Variants in ASIC2 observed in about 807,000 individuals in gnomAD.
ASIC2 encodes acid sensing ion channel subunit 2, also known as acid-sensing ion channel 2.
In ASIC2, 25 loss-of-function variants were observed where a neutral mutation model predicts 57.3. That is an observed-to-expected ratio of 0.44 (90% CI 0.32 to 0.61). The LOEUF is 0.61. Ranked by LOEUF, ASIC2 falls within the 20% of genes least tolerant of loss-of-function variation. The pLI is 0.06. For missense variants in ASIC2, 641 were observed against 738.1 expected (o/e 0.87, Z 1.52); for synonymous variants, 319 against 307.5 (o/e 1.04, Z -0.39).
rs1311247435 is a variant in ASIC2, at chr17:33,030,905, A to G, written c.988-2513T>C. On this transcript the variant is annotated intron_variant, in intron 3 of 9. Transcript: ENST00000225823. Reference sequence around the variant, plus strand: ...ATCCGCCTTATATGTTGCTCTATTCAATTTGCTAATATCTTGTGGAGGTTT... The same window carrying G: ...ATCCGCCTTATATGTTGCTCTATTCGATTTGCTAATATCTTGTGGAGGTTT... 3.9e-5 allele frequency among the ~76,000 whole-genome samples: 6 copies of G among 152,198 alleles called. No individual in the cohort carries two copies. In the South Asian group the frequency reaches 6.2e-4, roughly 16 times the overall value.
intron 1 of ASIC2, among the ~76,000 whole-genome samples, chr17:33,491,532 C>G (rs1019916577): frequency 6.6e-6 from 1 of 152,120 alleles, no homozygotes; most frequent in Non-Finnish European, 1.5e-5. Flanking sequence ...GGATTTTTGC[C>G]GAACACTGCA....
At chr17:33,021,047 C>T (rs2091833287) in intron 7 of ASIC2, among the ~76,000 whole-genome samples, 172 bp downstream of exon 7, 1 of 152,118 alleles carries the variant, frequency 6.6e-6, no homozygotes. Context: ...GGGTTCTTTC[C>T]ATTCTGGGAG....
intron 1 of ASIC2, among the ~76,000 whole-genome samples, chr17:33,993,694 G>A (rs1318300091): frequency 6.6e-6 from 1 of 152,208 alleles, no homozygotes; most frequent in African/African-American, 2.4e-5. Context: ...ACATCTGGAT[G>A]TGTTTGGTAT....
At chr17:33,925,550 C>A (rs1328422078) in intron 1 of ASIC2, among the ~76,000 whole-genome samples, 1 of 152,244 alleles carries the variant, frequency 6.6e-6, no homozygotes, top group Non-Finnish European at 1.5e-5. Context: ...GCCTCGTCTG[C>A]TGCCCAGTGT....
intron 1 of ASIC2, among the ~76,000 whole-genome samples, chr17:33,708,072 C>G (rs1908915321): frequency 6.6e-6 from 1 of 152,174 alleles, no homozygotes; most frequent in Admixed American, 6.5e-5. Context: ...CTCCAGTCTC[C>G]TGCTAGATAG....
chr17:33,793,039 A>G (rs1203424413), intron 1 of ASIC2: 1 of 152,208 alleles, frequency 6.6e-6, no homozygotes, highest in African/African-American at 2.4e-5. Context: ...GAAGTAATTA[A>G]CAAAATGCTT....
upstream of ASIC2, among the ~76,000 whole-genome samples, chr17:33,294,679 A>G (rs1440541020): frequency 1.3e-5 from 2 of 152,112 alleles, no homozygotes; most frequent in Non-Finnish European, 2.9e-5. Flanking sequence ...GTATACCAAC[A>G]TATACACTTA....
chr17:33,427,873 T>C (rs535321252), intron 1 of ASIC2, among the ~76,000 whole-genome samples: 1 of 152,334 alleles, frequency 6.6e-6, no homozygotes, highest in Non-Finnish European at 1.5e-5. Context: ...GAGTGTGACT[T>C]TCAAGGCTGG....
rs147403420 is a variant in ASIC2, at chr17:33,088,984, G to A, written c.866C>T (p.Thr289Met). The stretch of plus-strand genomic sequence containing the variant: ...AACTTTCACTCCTGCTTCAAATGTC[G>A]TTTCCTCTGAAAGAACAAAGATGGA... ...YLPIWGETEE[T>M]TFEAGVKVQI... The change falls in exon 3 of 10, where the codon ACG (threonine) becomes ATG (methionine). Residue 289 changes from threonine to methionine, a missense_variant. Around this residue, in one of 3 missense-constraint regions of ASIC2, gnomAD observed 7 missense variants for 20.3 expected, o/e 0.35. Transcript: ENST00000225823. 31 of 1,613,878 alleles carry A rather than the reference G, an allele frequency of 1.9e-5. No individual in the cohort carries two copies. Among genetic ancestry groups the A allele is most frequent in the East Asian group, 4.5e-5 (2 of 44,882 alleles).
At chr17:33,695,353 T>C (rs1050462905) in intron 1 of ASIC2, among the ~76,000 whole-genome samples, 2 of 152,138 alleles carry the variant, frequency 1.3e-5, no homozygotes, top group Non-Finnish European at 2.9e-5. Context: ...GCCACTGCTA[T>C]GGGGTTGTGG....
chr17:33,647,909 C>T (rs956404292), intron 1 of ASIC2, among the ~76,000 whole-genome samples: 3 of 152,098 alleles, frequency 2.0e-5, no homozygotes, highest in Non-Finnish European at 4.4e-5. Context: ...CTTACTCCTG[C>T]CTCCCTGGGA....
At chr17:34,069,900 C>T (rs957380702) in intron 1 of ASIC2, 3 of 152,118 alleles carry the variant, frequency 2.0e-5, no homozygotes, top group African/African-American at 7.2e-5. Flanking sequence ...CATAAACCGT[C>T]TGCTTGACCT....
chr17:33,683,249 G>C (rs1908066513), intron 1 of ASIC2, among the ~76,000 whole-genome samples: 1 of 152,176 alleles, frequency 6.6e-6, no homozygotes, highest in Non-Finnish European at 1.5e-5. Flanking sequence ...TTGTATTTTA[G>C]TAGAGATGGG....
At chr17:33,672,352 A>G (rs1031287385) in intron 1 of ASIC2, among the ~76,000 whole-genome samples, 2 of 151,160 alleles carry the variant, frequency 1.3e-5, no homozygotes, top group Admixed American at 1.3e-4. Context: ...TACCTTTCCT[A>G]CCACACACAA....
intron 1 of ASIC2, among the ~76,000 whole-genome samples, chr17:33,214,907 C>G (rs1346010864): frequency 6.6e-6 from 1 of 152,206 alleles, no homozygotes; most frequent in Non-Finnish European, 1.5e-5. Flanking sequence ...GACCAGAGAA[C>G]AGAAGCTCAG....
At chr17:34,117,168 CTT>C (rs1411624620) in intron 1 of ASIC2, among the ~76,000 whole-genome samples, 1 of 152,060 alleles carries the variant, frequency 6.6e-6, no homozygotes, top group Non-Finnish European at 1.5e-5. Context: ...AACCAACAGT[CTT>C]TATATAACAT....
intron 1 of ASIC2, among the ~76,000 whole-genome samples, chr17:34,126,558 C>T (rs956828056): frequency 3.9e-5 from 6 of 152,204 alleles, no homozygotes; most frequent in Admixed American, 1.3e-4. Context: ...CTCTTCTCCA[C>T]TTCTCTCTCA....
intron 1 of ASIC2, among the ~76,000 whole-genome samples, chr17:33,738,614 T>C (rs892773852): frequency 1.3e-4 from 20 of 152,182 alleles, no homozygotes; most frequent in Non-Finnish European, 2.5e-4. Context: ...CCCTCCTCTG[T>C]GTCAGTGCCC....
chr17:33,579,017 G>C (rs895185546), intron 1 of ASIC2, among the ~76,000 whole-genome samples: 1 of 152,162 alleles, frequency 6.6e-6, no homozygotes, highest in Admixed American at 6.5e-5. Flanking sequence ...CAGGTGCGCT[G>C]TCTCACTCCT....
Sources: allele counts gnomAD v4.1 joint callset (sites outside exome capture counted in the v4.1 genomes callset), GRCh38; gene constraint gnomAD v4.1.1; regional missense constraint gnomAD v4.1.1; transcripts MANE v1.5; gene names NCBI Gene and HGNC (gene_info 2026-07-23, HGNC 2026-07-21).